The following ZPBP variants were observed in gnomAD, a reference collection of about 807,000 sequenced individuals.
ZPBP encodes the protein zona pellucida binding protein, also known as zona pellucida-binding protein 1.
A neutral mutation model predicts 44.8 loss-of-function variants in ZPBP; 26 were observed. The observed-to-expected ratio is 0.58, with a 90% CI of 0.43 to 0.81. The LOEUF is 0.81. Among genes scored for constraint, ZPBP ranks in the 30% least tolerant of loss-of-function variants. The pLI is 0.00. For missense variants in ZPBP, 409 were observed against 434.0 expected, an observed-to-expected ratio of 0.94 and a Z score of 0.51; for synonymous variants, 174 against 153.2, an observed-to-expected ratio of 1.14 and a Z score of -1.00.
chr7:49,981,591 A>C (rs1432559665), intron 7 of ZPBP, among the ~76,000 whole-genome samples: 1 of 29,880 alleles, frequency 3.3e-5, no homozygotes, highest in African/African-American at 1.3e-4. Flanking sequence ...TATATATTAT[A>C]TAATTATATA....
Position 50,057,407 on chromosome 7 carries a change from C to T in ZPBP, c.487+582G>A, listed in dbSNP as rs929944457. Reference sequence around the variant, plus strand: ...CTCCCACCCTGAATCCTCAAAAACTCTTAGTCTGTAAGAGTGTGTGCCTCT... The same window carrying T: ...CTCCCACCCTGAATCCTCAAAAACTTTTAGTCTGTAAGAGTGTGTGCCTCT... On this transcript the variant is annotated intron_variant, in intron 4 of 7. Transcript: ENST00000046087. Among the ~76,000 whole-genome samples, 39 of 152,150 alleles carry T rather than the reference C, an allele frequency of 2.6e-4. 1 individual carries two copies. The highest frequency in any genetic ancestry group is 7.0e-4 in the African/African-American group (29 of 41,442).
intron 3 of ZPBP, among the ~76,000 whole-genome samples, chr7:50,067,069 C>G (rs1801543394): frequency 6.6e-6 from 1 of 152,142 alleles, no homozygotes. Context: ...ATTTTTTAAC[C>G]TAAACAAAGT....
intron 1 of ZPBP, among the ~76,000 whole-genome samples, chr7:49,924,787 A>G (rs1468512114): frequency 6.6e-6 from 1 of 151,996 alleles, no homozygotes; most frequent in Admixed American, 6.6e-5. Context: ...CCATTAAAAA[A>G]CTCTGAAAGT....
chr7:49,906,501 A>G (rs763730018), intron 1 of ZPBP, among the ~76,000 whole-genome samples: 3 of 151,908 alleles, frequency 2.0e-5, no homozygotes, highest in Non-Finnish European at 4.4e-5. Flanking sequence ...ACACCCAGCT[A>G]ATTTTTTTGT....
intron 4 of ZPBP, among the ~76,000 whole-genome samples, chr7:50,046,731 G>A (rs1280648411): frequency 6.6e-6 from 1 of 152,192 alleles, no homozygotes; most frequent in Non-Finnish European, 1.5e-5. Flanking sequence ...GTGGAAGACA[G>A]TGTGGTGATT....
At chr7:50,073,409 A>T (rs1432669278) in intron 3 of ZPBP, among the ~76,000 whole-genome samples, 12 of 152,154 alleles carry the variant, frequency 7.9e-5, no homozygotes, top group South Asian at 6.2e-4. Context: ...AGATCTAGAA[A>T]ATAGCCTCAA....
chr7:49,963,463 C>T (rs1795938856), intron 7 of ZPBP, among the ~76,000 whole-genome samples: 1 of 151,614 alleles, frequency 6.6e-6, no homozygotes, highest in Admixed American at 6.6e-5. Context: ...TCACACTAGA[C>T]AAAAACTGGA....
At chr7:50,046,939 C>T (rs544993267) in intron 4 of ZPBP, among the ~76,000 whole-genome samples, 11 of 152,092 alleles carry the variant, frequency 7.2e-5, no homozygotes, top group South Asian at 6.2e-4. Context: ...ATGTGGCATA[C>T]GCACACCATG....
intron 6 of ZPBP, among the ~76,000 whole-genome samples, chr7:50,010,664 C>A (rs1279674687): frequency 6.6e-6 from 1 of 151,942 alleles, no homozygotes; most frequent in African/African-American, 2.4e-5. Flanking sequence ...AAGATCTCTA[C>A]AGGAAAAACT....
intron 1 of ZPBP, chr7:49,911,923 GCACA>G (rs10639154): frequency 2.5e-4 from 87 of 346,664 alleles, no homozygotes; most frequent in Middle Eastern, 8.1e-4. Context: ...ACAAATACAC[GCACA>G]CACACACACA....
intron 4 of ZPBP, among the ~76,000 whole-genome samples, chr7:50,046,983 A>C (rs184322650): frequency 9.2e-5 from 14 of 152,356 alleles, no homozygotes; most frequent in Non-Finnish European, 1.8e-4. Context: ...GGATGAGCTC[A>C]TGTCCTTTGC....
Position 49,854,410 on chromosome 7 carries a change from T to C in ZPBP, n.510-3896A>G, listed in dbSNP as rs971986593. ...ACTTTTTAATGATCGCTATTCTAAC[T>C]GGTGTGAGATGGTATCTCATTGTGG... is the stretch of plus-strand genomic sequence containing the variant. On this transcript the variant is annotated intron_variant and non_coding_transcript_variant, in intron 2 of 2. Transcript: ENST00000465922. Among the ~76,000 whole-genome samples, 8 of 152,216 alleles carry C rather than the reference T, an allele frequency of 5.3e-5. No homozygotes were observed. The East Asian group carries it at 1.5e-3, about 29-fold the overall frequency.
At chr7:49,874,051 C>T (rs552507282) in intron 2 of ZPBP, among the ~76,000 whole-genome samples, 1 of 151,706 alleles carries the variant, frequency 6.6e-6, no homozygotes, top group East Asian at 2.0e-4. Flanking sequence ...GCATACATGG[C>T]ATATTTTGCT....
In ZPBP at chr7:49,981,304, TA is replaced by T. The variant is rs1215437740; in HGVS notation, c.961+2037del. Among the ~76,000 whole-genome samples, 524 of 58,956 alleles carry T rather than the reference TA, an allele frequency of 8.9e-3. 23 individuals are homozygous for T. In the South Asian group the frequency reaches 0.14, roughly 15 times the overall value. 38.7% of individuals were successfully genotyped at this position (58,956 alleles called of 152,430 possible). ...TATATTATATAATATATATTATATATAATTATATATTATATAATATATATTA... is the reference window on the plus strand; with the variant it reads ...TATATTATATAATATATATTATATATATTATATATTATATAATATATATTA... On this transcript the variant is annotated intron_variant, in intron 7 of 7. Transcript: ENST00000046087.
chr7:49,975,599 G>A (rs946163703), intron 7 of ZPBP, among the ~76,000 whole-genome samples: 3 of 152,084 alleles, frequency 2.0e-5, no homozygotes, highest in African/African-American at 7.2e-5. Context: ...TTGAACTCCC[G>A]TGTTCTTCCT....
intron 7 of ZPBP, among the ~76,000 whole-genome samples, chr7:49,946,479 A>T (rs527895046): frequency 1.3e-5 from 2 of 152,118 alleles, no homozygotes; most frequent in East Asian, 3.9e-4. Context: ...CTAGGATACA[A>T]ATTTTTTCTT....
chr7:50,068,595 A>G (rs1416450090), intron 3 of ZPBP, among the ~76,000 whole-genome samples: 1 of 152,156 alleles, frequency 6.6e-6, no homozygotes, highest in Non-Finnish European at 1.5e-5. Flanking sequence ...GCCTCCTTGC[A>G]AAGCCAGCTT....
intron 2 of ZPBP, among the ~76,000 whole-genome samples, chr7:49,880,269 G>A (rs1238514634): frequency 6.6e-6 from 1 of 152,000 alleles, no homozygotes; most frequent in East Asian, 1.9e-4. Flanking sequence ...TCCATATATA[G>A]AACCACACTT....
intron 1 of ZPBP, among the ~76,000 whole-genome samples, chr7:49,931,357 C>A (rs982539228): frequency 2.0e-5 from 3 of 152,124 alleles, no homozygotes; most frequent in African/African-American, 7.2e-5. Context: ...TTGGAACTTT[C>A]TAGAGATGTA....
Sources: gnomAD v4.1 joint callset for allele counts (sites outside exome capture counted in the v4.1 genomes callset) on GRCh38, gnomAD v4.1.1 for gene constraint, MANE v1.5 for transcripts, NCBI Gene and HGNC (gene_info 2026-07-23, HGNC 2026-07-21) for gene names.